CSPG4: variants seen among roughly 807,000 people sequenced by gnomAD.
CSPG4 encodes chondroitin sulfate proteoglycan 4 (melanoma-associated).
In CSPG4, 74 loss-of-function variants were observed where a neutral mutation model predicts 139.3. The ratio of observed to expected loss-of-function variants is 0.53; its 90% confidence interval spans 0.44 to 0.64. The LOEUF (loss-of-function observed/expected upper bound fraction) is 0.64. Ranked by LOEUF, CSPG4 falls within the 30% of genes least tolerant of loss-of-function variation. CSPG4 has a pLI of 0.00. For missense variants in CSPG4, 2,565 were observed against 3,148.3 expected (o/e 0.81, Z 4.43); for synonymous variants, 1,234 against 1,394.2 (o/e 0.89, Z 2.56).
chr15:75,682,269 G>T (rs756990638), intron 8 of CSPG4, 24 bp downstream of exon 8: 1 of 1,596,460 alleles, frequency 6.3e-7, no homozygotes, highest in South Asian at 1.1e-5. Flanking sequence ...CATCTGAGTG[G>T]TGGCTGCAAA....
Position 75,698,738 on chromosome 15 carries a change from C to T in CSPG4, c.89-5505G>A, listed in dbSNP as rs1197026643. Among the ~76,000 whole-genome samples, 2 of 152,118 alleles carry T rather than the reference C, an allele frequency of 1.3e-5. No individual in the cohort carries two copies. ...AGGGAGAAGCTGTCTGGTGTGCCTA[C>T]TCAGGGGTGAGCCCCTCTCAAACCT... On this transcript the variant is annotated intron_variant, in intron 1 of 9. Coordinates refer to ENST00000308508, the MANE Select transcript of CSPG4 (RefSeq NM_001897.5). This position sits in a 1 kb window ranked among gnomAD's most constrained non-coding sequence, Gnocchi z 4.3.
rs1461498868 is a variant in CSPG4 at position 75,676,121 on chromosome 15, C to T, written c.6398G>A (p.Arg2133Lys). 6.5e-7 allele frequency: 1 copy of T among 1,537,600 alleles called. No homozygotes were observed. The change falls in exon 10 of 10, where the codon AGG becomes AAG. Residue 2133 changes from arginine (R) to lysine (K), a missense_variant. Physicochemically the swap from Arg to Lys is conservative, Grantham distance 26 (BLOSUM62 2). Around this residue, in one of 5 missense-constraint regions of CSPG4, gnomAD observed 2,316 missense variants for 2,818.2 expected, o/e 0.82. Coordinates refer to ENST00000308508, the MANE Select transcript of CSPG4 (RefSeq NM_001897.5). ...ACTGTCACCTGCGGGGCCGGGGGCC[C>T]TCCCCTCTGGCCTGCCCACCTCCAG... is the stretch of plus-strand genomic sequence containing the variant. The part of the protein sequence containing the change: ...LGLEVGRPEG[R>K]APGPAGDSLT...
intron 1 of CSPG4, among the ~76,000 whole-genome samples, chr15:75,693,537 T>C (rs1193864579): frequency 6.6e-6 from 1 of 152,210 alleles, no homozygotes; most frequent in Non-Finnish European, 1.5e-5. Context: ...CTCCGCCAGC[T>C]CTGACTCGCC....
At position 75,677,148 on chromosome 15, in the gene CSPG4, C is replaced by G; in HGVS notation, c.5371G>C (p.Gly1791Arg). ...AGQLVYAHGGGGTQQDGFHFR... is the reference protein window; with the variant it reads ...AGQLVYAHGGRGTQQDGFHFR... The stretch of plus-strand genomic sequence containing the variant: ...TGGAAGCCATCCTGCTGGGTGCCCC[C>G]ACCGCCGTGGGCATACACTAGCTGC... Residue 1791 changes from glycine to arginine, a missense_variant, in exon 10 of 10, where the codon GGG becomes CGG. Transcript: ENST00000308508. 7.0e-7 allele frequency: 1 copy of G among 1,424,138 alleles called. No individual in the cohort carries two copies. Among genetic ancestry groups the G allele is most frequent in the Non-Finnish European group, 9.2e-7 (1 of 1,086,408 alleles). 88.2% of individuals were successfully genotyped at this position (1,424,138 alleles called of 1,614,324 possible).
chr15:75,675,970 C>A lies in CSPG4; in HGVS notation c.6549G>T (p.Arg2183=). ...VALLSVPEAA[R]TEAGKPESST... is the part of the protein sequence containing the mutation. ...TGCTCTCTGGCTTCCCTGCTTCCGT[C>A]CGGGCGGCCTCGGGGACACTGAGCA... is the stretch of plus-strand genomic sequence containing the variant. Residue 2183 remains arginine, a synonymous_variant, in exon 10 of 10, where the codon CGG becomes CGT. Coordinates refer to ENST00000308508, the MANE Select transcript of CSPG4 (RefSeq NM_001897.5). The A allele has an allele frequency of 6.3e-7, 1 of 1,581,810 alleles. No individual in the cohort carries two copies. The highest frequency in any genetic ancestry group is 8.6e-7 in the Non-Finnish European group (1 of 1,168,394).
rs748075830 is a variant in CSPG4, at chr15:75,687,739, T to C, written c.3326A>G (p.Asp1109Gly). 5 of 1,612,780 alleles carry C rather than the reference T, an allele frequency of 3.1e-6. No homozygotes were observed. The highest frequency in any genetic ancestry group is 3.4e-6 in the Non-Finnish European group (4 of 1,180,000). ...CAGCGCAGTGGCCTGGTGTTGCCCG[T>C]CGGACACCTGCAGCTGGATCCAGCC... is the stretch of plus-strand genomic sequence containing the variant. Reference protein sequence around the residue: ...DRGWIQLQVSDGQHQATALLE... With the variant: ...DRGWIQLQVSGGQHQATALLE... The change falls in exon 3 of 10, where the codon GAC becomes GGC. Residue 1109 changes from aspartate to glycine, a missense_variant. By Grantham distance (94) the Asp-to-Gly change is moderately conservative. Coordinates refer to ENST00000308508, the MANE Select transcript of CSPG4 (RefSeq NM_001897.5). The surrounding 1 kb of genome is among the most constrained non-coding windows in gnomAD (Gnocchi z 5.4).
Position 75,687,840 on chromosome 15 carries a change from C to T in CSPG4, c.3225G>A (p.Thr1075=), listed in dbSNP as rs757069529. 56 of 1,612,906 alleles carry T rather than the reference C, an allele frequency of 3.5e-5. No individual in the cohort carries two copies. Among genetic ancestry groups the T allele is most frequent in the South Asian group, 3.1e-4 (28 of 91,088 alleles). Residue 1075 remains threonine, a synonymous_variant, in exon 3 of 10, where the codon ACG becomes ACA. Coordinates refer to ENST00000308508, the MANE Select transcript of CSPG4 (RefSeq NM_001897.5). The surrounding 1 kb of genome is among the most constrained non-coding windows in gnomAD (Gnocchi z 5.4). The part of the protein sequence containing the change: ...FGSIVAVDEP[T]RPIYRFTQED... ...CCTGGGTGAAGCGGTAGATGGGCCG[C>T]GTGGGCTCATCTACGGCCACGATAC...
rs915940668 is a variant in CSPG4, at chr15:75,709,636, C to A, written c.88+3032G>T. Among the ~76,000 whole-genome samples the A allele has an allele frequency of 1.4e-4, 21 of 152,132 alleles. 1 individual carries two copies. Among genetic ancestry groups the A allele is most frequent in the African/African-American group, 4.6e-4 (19 of 41,430 alleles). ...CCACATCTGTGTGCGCCAGTAAGTG[C>A]GGACGTCAAGGCTATTTCCAACTCC... On this transcript the variant is annotated intron_variant, in intron 1 of 9. Coordinates refer to ENST00000308508, the MANE Select transcript of CSPG4 (RefSeq NM_001897.5).
chr15:75,698,539 T>C lies in CSPG4; in HGVS notation c.89-5306A>G, dbSNP rs79849073. Among the ~76,000 whole-genome samples, 1,393 of 151,744 alleles carry C rather than the reference T, an allele frequency of 9.2e-3. 27 individuals carry two copies. The highest frequency in any genetic ancestry group is 0.09 in the East Asian group (460 of 5,116). ...TCCAACCAAGCAGGCAGGGCATGGG[T>C]GAGTGTGTGCAGGAATGTGGGTCAG... On this transcript the variant is annotated intron_variant, in intron 1 of 9. Coordinates refer to ENST00000308508, the MANE Select transcript of CSPG4 (RefSeq NM_001897.5). The surrounding 1 kb of genome is among the most constrained non-coding windows in gnomAD (Gnocchi z 4.3).
At position 75,685,645 on chromosome 15, in the gene CSPG4, C is replaced by T. The variant is rs780179146; in HGVS notation, c.3846G>A (p.Pro1282=). The T allele has an allele frequency of 2.1e-5, 33 of 1,608,368 alleles. 1 individual carries two copies. Among genetic ancestry groups the T allele is most frequent in the East Asian group, 1.6e-4 (7 of 44,892 alleles). Residue 1282 remains proline (P), a synonymous_variant, in exon 4 of 10, where the codon CCG becomes CCA. Coordinates refer to ENST00000308508, the MANE Select transcript of CSPG4 (RefSeq NM_001897.5). ...ADIVFSVKSP[P]SAGYLVMVSR... is the part of the protein sequence containing the mutation. ...ACACCATCACCAGGTAGCCGGCACT[C>T]GGTGGGCTCTTCACTGAGAATACGA...
rs144336464 is a variant in CSPG4, at chr15:75,688,260, C to T, written c.2805G>A (p.Glu935=). 3.7e-6 allele frequency: 6 copies of T among 1,612,914 alleles called. No homozygotes were observed. The African/African-American group carries it at 8.0e-5, about 22-fold the overall frequency. ...KSLNSASYLY[E]VMERPRHGRL... Reference sequence around the variant, plus strand: ...TCCCATGGCGGGGCCGCTCCATGACCTCATAGAGGTAGCTGGCACTGTTGA... The same window carrying T: ...TCCCATGGCGGGGCCGCTCCATGACTTCATAGAGGTAGCTGGCACTGTTGA... The change falls in exon 3 of 10, where the codon GAG becomes GAA. Residue 935 remains glutamate (E), a synonymous_variant. Transcript: ENST00000308508.
In CSPG4 at chr15:75,683,029, C is replaced by A. The variant is rs752749548; in HGVS notation, c.4462G>T (p.Ala1488Ser). 7 of 1,609,890 alleles carry A rather than the reference C, an allele frequency of 4.3e-6. No homozygotes were observed. The Admixed American group carries it at 1.2e-4, about 27-fold the overall frequency. The change falls in exon 6 of 10, where the codon GCC becomes TCC. Residue 1488 changes from alanine to serine, a missense_variant. This residue lies in a region of CSPG4 where 2,316 missense variants were observed against 2,818.2 expected (regional missense o/e 0.82). Coordinates refer to ENST00000308508, the MANE Select transcript of CSPG4 (RefSeq NM_001897.5). ...TNTGLQMWEG[A>S]TAPIPAEALR... ...GCCTCCGCAGGGATGGGCGCAGTGGCCCCCTCCCACATCTGGGAACACAGG... is the reference window on the plus strand; with the variant it reads ...GCCTCCGCAGGGATGGGCGCAGTGGACCCCTCCCACATCTGGGAACACAGG...
chr15:75,691,189 A>C (rs558568488), intron 2 of CSPG4, among the ~76,000 whole-genome samples: 39 of 152,206 alleles, frequency 2.6e-4, no homozygotes, highest in Middle Eastern at 3.4e-3. Flanking sequence ...AACAAACAAA[A>C]AAAAAGCATA....
Position 75,676,201 on chromosome 15 carries a change from G to GC in CSPG4, c.6317dup (p.Ser2107GlnfsTer13). On this transcript the variant is annotated frameshift_variant, in exon 10 of 10. Coordinates refer to ENST00000308508, the MANE Select transcript of CSPG4 (RefSeq NM_001897.5). LOFTEE classifies it high-confidence loss of function. ...GAGTGAACTGCTCCACCAGCTGGCT[G>GC]CCCCCGGGCTCCGTCCTGGCTCGGG... 1 of 1,551,058 alleles carries GC rather than the reference G, an allele frequency of 6.4e-7. No homozygotes were observed. Among genetic ancestry groups the GC allele is most frequent in the South Asian group, 1.2e-5 (1 of 85,796 alleles).
chr15:75,691,574 G>A (rs1463935583), intron 2 of CSPG4, among the ~76,000 whole-genome samples: 3 of 152,164 alleles, frequency 2.0e-5, no homozygotes, highest in African/African-American at 7.2e-5. Flanking sequence ...GGTCATTGAA[G>A]GCAGCCAGGC....
At position 75,698,811 on chromosome 15, in the gene CSPG4, C is replaced by A. The variant is rs1894262745; in HGVS notation, c.89-5578G>T. Among the ~76,000 whole-genome samples, 1 of 152,174 alleles carries A rather than the reference C, an allele frequency of 6.6e-6. No homozygotes were observed. The highest frequency in any genetic ancestry group is 2.4e-5 in the African/African-American group (1 of 41,454). ...CTCAGCCACCCACACTGAGCTATCA[C>A]CTTCACCCAACCCTGTTACTCTGAG... On this transcript the variant is annotated intron_variant, in intron 1 of 9. Coordinates refer to ENST00000308508, the MANE Select transcript of CSPG4 (RefSeq NM_001897.5). The surrounding 1 kb of genome is among the most constrained non-coding windows in gnomAD (Gnocchi z 4.3).
Position 75,677,050 on chromosome 15 carries a change from G to A in CSPG4, c.5469C>T (p.Ile1823=). 7.0e-7 allele frequency: 1 copy of A among 1,423,740 alleles called. No individual in the cohort carries two copies. Among genetic ancestry groups the A allele is most frequent in the Non-Finnish European group, 9.2e-7 (1 of 1,082,332 alleles). 88.2% of individuals were successfully genotyped at this position (1,423,740 alleles called of 1,614,324 possible). The change falls in exon 10 of 10, where the codon ATC becomes ATT. Residue 1823 remains isoleucine, a synonymous_variant. Transcript: ENST00000308508. ...GCCGCTCATTTACATCCCTCACCGT[G>A]ATGGCAAAGGCCTCTGAGGTTTGGG... ...AGPQTSEAFA[I]TVRDVNERPP... is the part of the protein sequence containing the mutation.
chr15:75,685,836 C>G, intron 3 of CSPG4, 135 bp from the exon 4 acceptor site: 1 of 927,514 alleles, frequency 1.1e-6, no homozygotes, highest in Non-Finnish European at 1.6e-6. Flanking sequence ...CTCATTTAGA[C>G]ACACAAACAC....
rs1424421784 is a variant in CSPG4 at position 75,678,689 on chromosome 15, G to T, written c.4951-803C>A. ...ATTCTTGACTTCACATTTTCCACCA[G>T]CTTCACCCCTGCCCCTTTGCTTCTC... On this transcript the variant is annotated intron_variant, in intron 8 of 9. Transcript: ENST00000308508. The T allele has an allele frequency of 6.6e-6, 3 of 456,050 alleles. No homozygotes were observed. The East Asian group carries it at 2.1e-4, about 32-fold the overall frequency. The allele number at this position is 456,050 out of a possible 1,614,324, so 28.3% of individuals were successfully genotyped here.
Sources: allele counts gnomAD v4.1 joint callset (sites outside exome capture counted in the v4.1 genomes callset), GRCh38; gene constraint gnomAD v4.1.1; regional missense constraint gnomAD v4.1.1; non-coding constraint Gnocchi (gnomAD v3.1); transcripts MANE v1.5; gene names NCBI Gene and HGNC (gene_info 2026-07-23, HGNC 2026-07-21).